The following CDKL5 variants were observed in gnomAD, a reference collection of about 807,000 sequenced individuals.
CDKL5 encodes cyclin-dependent kinase-like 5.
A neutral mutation model predicts 61.7 loss-of-function variants in CDKL5; 8 were observed. The ratio of observed to expected loss-of-function variants is 0.13; its 90% CI spans 0.08 to 0.23. The LOEUF is 0.23. CDKL5 is among the 10% of genes least tolerant of loss of function. CDKL5 has a pLI of 1.00. For synonymous variants in CDKL5, 275 were observed against 272.3 expected (o/e 1.01, Z -0.10); for missense variants, 440 against 734.5 (o/e 0.60, Z 4.63).
chrX:18,548,437 G>A (rs1924274572), intron 3 of CDKL5, among the ~76,000 whole-genome samples: 1 of 111,631 alleles, frequency 9.0e-6, no homozygotes, highest in Admixed American at 9.5e-5. Context: ...TAAGATATGA[G>A]GAGTTATTAC....
At chrX:18,527,718 C>T (rs1485721156) in intron 3 of CDKL5, among the ~76,000 whole-genome samples, 2 of 111,088 alleles carry the variant, frequency 1.8e-5, no homozygotes, top group Non-Finnish European at 3.8e-5. Context: ...TTGATTTCTA[C>T]TGTAATTAAA....
intron 3 of CDKL5, among the ~76,000 whole-genome samples, chrX:18,557,503 T>C (rs1188406757): frequency 9.0e-6 from 1 of 111,638 alleles, no homozygotes; most frequent in Non-Finnish European, 1.9e-5. Flanking sequence ...TTATAACCTT[T>C]TGAAATGGCT....
At position 18,600,060 on chromosome X, in the gene CDKL5, A is replaced by G. The variant is rs12008261; in HGVS notation, c.977+1447A>G. Among the ~76,000 whole-genome samples, 467 of 111,775 alleles carry G rather than the reference A, an allele frequency of 4.2e-3. 2 individuals are homozygous for G. The highest frequency in any genetic ancestry group is 0.015 in the African/African-American group (454 of 30,744). On this transcript the variant is annotated intron_variant, in intron 11 of 17. Coordinates refer to ENST00000623535, the MANE Select transcript of CDKL5 (RefSeq NM_001323289.2). ...CGATTCGCCTGCCTCAGCCTTCCTA[A>G]GTGCTGGGACTACAGGGGTGAGCCA... is the stretch of plus-strand genomic sequence containing the variant.
At chrX:18,560,655 T>C (rs998374934) in intron 3 of CDKL5, among the ~76,000 whole-genome samples, 2 of 111,303 alleles carry the variant, frequency 1.8e-5, no homozygotes, top group Non-Finnish European at 1.9e-5. Context: ...AGATCCAACC[T>C]AGAAGTTGTA....
intron 3 of CDKL5, among the ~76,000 whole-genome samples, chrX:18,526,081 A>G (rs1249581812): frequency 1.8e-5 from 2 of 112,278 alleles, no homozygotes; most frequent in African/African-American, 6.5e-5. Flanking sequence ...TGAACACAAA[A>G]TCTCTCTCCA....
At chrX:18,613,478 G>GA (rs1338481212) in intron 15 of CDKL5, among the ~76,000 whole-genome samples, 2 of 111,117 alleles carry the variant, frequency 1.8e-5, no homozygotes, top group Non-Finnish European at 3.8e-5. Context: ...TCATGTAAGG[G>GA]AAAAAAAATC....
At chrX:18,439,394 GGTGTGTGTGT>G (rs752724398) in intron 1 of CDKL5, among the ~76,000 whole-genome samples, 4 of 101,896 alleles carry the variant, frequency 3.9e-5, no homozygotes, top group Non-Finnish European at 8.1e-5. Flanking sequence ...TTCCATAATA[GGTGTGTGTGT>G]GTGTGTGTGT....
intron 20 of CDKL5, chrX:18,647,496 C>T: frequency 2.0e-6 from 1 of 501,819 alleles, no homozygotes; most frequent in African/African-American, 2.3e-5. Context: ...TTCAACGGTT[C>T]ACTACTCACG....
intron 3 of CDKL5, among the ~76,000 whole-genome samples, chrX:18,520,341 T>C (rs1296135812): frequency 8.9e-6 from 1 of 112,452 alleles, no homozygotes. Context: ...TCATACAACA[T>C]GTGACCGTTT....
Position 18,631,442 on chromosome X carries a change from T to C in CDKL5, c.*2685T>C. 1.3e-6 allele frequency: 1 copy of C among 754,113 alleles called. No homozygotes were observed. 62.1% of individuals were successfully genotyped at this position (754,113 alleles called of 1,213,427 possible). On this transcript the variant is annotated 3_prime_UTR_variant, in exon 18 of 18. Transcript: ENST00000623535. ...CTCACGGAGGGGGATGCAAAAGTTT[T>C]CTCTCACACCTAATGGGCCCTCTCT... is the stretch of plus-strand genomic sequence containing the variant.
At chrX:18,558,153 G>A (rs183120684) in intron 3 of CDKL5, among the ~76,000 whole-genome samples, 7 of 111,037 alleles carry the variant, frequency 6.3e-5, no homozygotes, top group Non-Finnish European at 1.1e-4. Flanking sequence ...AGAATTAAGG[G>A]TGAGGCATGG....
At chrX:18,446,689 A>T (rs1931887672) in intron 1 of CDKL5, among the ~76,000 whole-genome samples, 1 of 111,717 alleles carries the variant, frequency 9.0e-6, no homozygotes, top group Admixed American at 9.6e-5. Context: ...TTCCAACCCC[A>T]GTCGGTATTC....
rs1927409729 is a variant in CDKL5 at position 18,637,060 on chromosome X, C to T, written c.*8303C>T. 1 of 111,614 alleles carries T rather than the reference C, an allele frequency of 9.0e-6. No homozygotes were observed. Among genetic ancestry groups the T allele is most frequent in the African/African-American group, 3.3e-5 (1 of 30,637 alleles). 9.2% of individuals were successfully genotyped at this position (111,614 alleles called of 1,213,427 possible). On this transcript the variant is annotated 3_prime_UTR_variant, in exon 18 of 18. Transcript: ENST00000623535. The stretch of plus-strand genomic sequence containing the variant: ...ATCACCTGAAGTCAGGAGTTCGAGA[C>T]CAGCCTGGCCAATATAGAGAAACCC...
chrX:18,431,898 C>T (rs1292036946), intron 1 of CDKL5, among the ~76,000 whole-genome samples: 1 of 82,797 alleles, frequency 1.2e-5, no homozygotes, highest in African/African-American at 5.4e-5. Context: ...ACCTTATTTA[C>T]TTGCTTCACC....
chrX:18,450,826 C>T lies in CDKL5; in HGVS notation c.-163+25131C>T, dbSNP rs377738271. 2.1e-4 allele frequency among the ~76,000 whole-genome samples: 23 copies of T among 110,645 alleles called. No homozygotes were observed. The East Asian group carries it at 2.3e-3, about 11-fold the overall frequency. On this transcript the variant is annotated intron_variant, in intron 1 of 17. Transcript: ENST00000623535. ...CTGACCTCAGGTGATCCACTTGCCT[C>T]GGCCTCCCAAAGTGCTGGGATTACA...
chrX:18,546,481 C>T (rs1449881046), intron 3 of CDKL5, among the ~76,000 whole-genome samples: 2 of 110,519 alleles, frequency 1.8e-5, no homozygotes, highest in African/African-American at 3.3e-5. Context: ...AGGCTGGTCT[C>T]GGACCTCCTG....
chrX:18,433,759 G>A (rs1223707633), intron 1 of CDKL5, among the ~76,000 whole-genome samples: 1 of 111,704 alleles, frequency 9.0e-6, no homozygotes, highest in East Asian at 2.8e-4. Context: ...TGATATGTTG[G>A]GAATGCAGGG....
At chrX:18,647,167 A>G in intron 20 of CDKL5, 1 of 1,210,201 alleles carries the variant, frequency 8.3e-7, no homozygotes, top group Non-Finnish European at 1.1e-6. Context: ...AGCACATGAA[A>G]AAAAATCCCC....
chrX:18,459,651 T>A (rs890539881), intron 1 of CDKL5, among the ~76,000 whole-genome samples: 2 of 108,526 alleles, frequency 1.8e-5, no homozygotes, highest in Non-Finnish European at 3.8e-5. Flanking sequence ...CTGCAGGCTT[T>A]ACAGGAGGCA....
Sources: allele counts gnomAD v4.1 joint callset (sites outside exome capture counted in the v4.1 genomes callset), GRCh38; gene constraint gnomAD v4.1.1; transcripts MANE v1.5; gene names NCBI Gene and HGNC (gene_info 2026-07-23, HGNC 2026-07-21).